Variants in HEBP2 observed in about 807,000 individuals in gnomAD.
HEBP2 encodes the protein heme-binding protein 2.
A neutral mutation model predicts 23.1 loss-of-function variants in HEBP2; 27 were observed. That is an observed-to-expected ratio of 1.17 (90% CI 0.86 to 1.61). The LOEUF is 1.61. HEBP2 is among the 40% of genes most tolerant of loss of function. The probability of loss-of-function intolerance (pLI) is 0.00; values close to 1 mark genes in which losing one functional copy is unlikely to be tolerated. For missense variants in HEBP2, 245 were observed against 253.8 expected, an observed-to-expected ratio of 0.97 and a Z score of 0.24; for synonymous variants, 99 against 95.1, an observed-to-expected ratio of 1.04 and a Z score of -0.24.
chr6:138,405,428 A>G (rs1299249965), intron 2 of HEBP2, 148 bp downstream of exon 2: 1 of 985,040 alleles, frequency 1.0e-6, no homozygotes, highest in African/African-American at 1.7e-5. Flanking sequence ...AAGACTCCTC[A>G]GGACCAGGGT....
rs551668018 is a variant in HEBP2 at position 138,420,517 on chromosome 6, A to G, written c.*7439A>G. 2.6e-5 allele frequency: 4 copies of G among 152,354 alleles called. No individual in the cohort carries two copies. The East Asian group carries it at 5.8e-4, about 22-fold the overall frequency. 9.4% of individuals were successfully genotyped at this position (152,354 alleles called of 1,614,324 possible). A position where few individuals can be genotyped will look rare whatever the true frequency, so the allele number is the denominator to read the frequency against. On this transcript the variant is annotated 3_prime_UTR_variant, in exon 4 of 4. Coordinates refer to ENST00000607197, the MANE Select transcript of HEBP2 (RefSeq NM_014320.3). The stretch of plus-strand genomic sequence containing the variant: ...GGAGTGTGGGTAGCTGGCAGCCACC[A>G]GCTGCTACTTCACCAGGATCCACCT...
At chr6:138,405,405 C>G in intron 2 of HEBP2, 125 bp downstream of exon 2, 7 of 1,247,488 alleles carry the variant, frequency 5.6e-6, no homozygotes, top group Non-Finnish European at 5.6e-6. Flanking sequence ...AAAGACTTGT[C>G]TTGTTTTCAG....
In HEBP2 at chr6:138,420,877, T is replaced by C. The variant is rs1199071148; in HGVS notation, c.*7799T>C. On this transcript the variant is annotated 3_prime_UTR_variant, in exon 4 of 4. Coordinates refer to ENST00000607197, the MANE Select transcript of HEBP2 (RefSeq NM_014320.3). The stretch of plus-strand genomic sequence containing the variant: ...TGAAGAATCTAAACTGGCAGTAGGA[T>C]CATGCCCCTCACTGATAGCTCAACC... 1.3e-5 allele frequency: 2 copies of C among 152,246 alleles called. No homozygotes were observed. Among genetic ancestry groups the C allele is most frequent in the Non-Finnish European group, 2.9e-5 (2 of 68,046 alleles). 9.4% of individuals were successfully genotyped at this position (152,246 alleles called of 1,614,324 possible). A position where few individuals can be genotyped will look rare whatever the true frequency, so the allele number is the denominator to read the frequency against.
rs779676720 is a variant in HEBP2 at position 138,412,934 on chromosome 6, A to T, written c.474A>T (p.Leu158Phe). Residue 158 changes from leucine (L) to phenylalanine (F), a missense_variant, in exon 4 of 4, where the codon TTA becomes TTT. Transcript: ENST00000607197. ...AQKNQEQLLTLASILREDGKV... is the reference protein window; with the variant it reads ...AQKNQEQLLTFASILREDGKV... ...AGAATCAAGAACAACTTTTGACATTAGCAAGCATTTTAAGGGAAGATGGAA... is the reference window on the plus strand; with the variant it reads ...AGAATCAAGAACAACTTTTGACATTTGCAAGCATTTTAAGGGAAGATGGAA... The T allele has an allele frequency of 6.2e-7, 1 of 1,614,206 alleles. No homozygotes were observed. The highest frequency in any genetic ancestry group is 2.2e-5 in the East Asian group (1 of 44,888).
chr6:138,408,819 A>G (rs993635719), intron 3 of HEBP2, among the ~76,000 whole-genome samples: 3 of 152,056 alleles, frequency 2.0e-5, no homozygotes, highest in African/African-American at 7.2e-5. Flanking sequence ...CAATCCATTC[A>G]TATTGCTTCA....
chr6:138,405,586 G>A (rs1246787359), intron 2 of HEBP2, among the ~76,000 whole-genome samples: 1 of 152,148 alleles, frequency 6.6e-6, no homozygotes, highest in Non-Finnish European at 1.5e-5. Flanking sequence ...GAGGCAAGAA[G>A]GTACCAAGAT....
Position 138,413,118 on chromosome 6 carries a change from C to CTGTT in HEBP2, c.*42_*45dup. 1 of 1,497,254 alleles carries CTGTT rather than the reference C, an allele frequency of 6.7e-7. No homozygotes were observed. Among genetic ancestry groups the CTGTT allele is most frequent in the South Asian group, 1.1e-5 (1 of 87,766 alleles). 92.7% of individuals were successfully genotyped at this position (1,497,254 alleles called of 1,614,324 possible). On this transcript the variant is annotated 3_prime_UTR_variant, in exon 4 of 4. Coordinates refer to ENST00000607197, the MANE Select transcript of HEBP2 (RefSeq NM_014320.3). The stretch of plus-strand genomic sequence containing the variant: ...AGTTCTGCTGTCAGAGGCAAAACAT[C>CTGTT]TGTTTATCATAGACATCAACATGAC...
chr6:138,413,803 A>C lies in HEBP2; in HGVS notation c.*725A>C, dbSNP rs1774794488. 1 of 152,188 alleles carries C rather than the reference A, an allele frequency of 6.6e-6. No individual in the cohort carries two copies. The allele number at this position is 152,188 out of a possible 1,614,324, so 9.4% of individuals were successfully genotyped here. A position where few individuals can be genotyped will look rare whatever the true frequency, so the allele number is the denominator to read the frequency against. On this transcript the variant is annotated 3_prime_UTR_variant, in exon 4 of 4. Coordinates refer to ENST00000607197, the MANE Select transcript of HEBP2 (RefSeq NM_014320.3). ...AGGACTGGGAGGTGGTGGTAAGAAA[A>C]CCTGTGTCCCAAGCCCCTCATCACT...
At chr6:138,411,308 G>C (rs1157335247) in intron 3 of HEBP2, among the ~76,000 whole-genome samples, 1 of 152,040 alleles carries the variant, frequency 6.6e-6, no homozygotes, top group Non-Finnish European at 1.5e-5. Context: ...CTTCCCCACA[G>C]CAGCCTCCTG....
rs2128183321 is a variant in HEBP2, at chr6:138,417,716, T to A, written c.*4638T>A. On this transcript the variant is annotated 3_prime_UTR_variant, in exon 4 of 4. Transcript: ENST00000607197. ...GAGGCAGCAGCACACAGACAGAGAGTGCTGTAGATCTGCAGTGGGTCCCCT... is the reference window on the plus strand; with the variant it reads ...GAGGCAGCAGCACACAGACAGAGAGAGCTGTAGATCTGCAGTGGGTCCCCT... 1 of 152,410 alleles carries A rather than the reference T, an allele frequency of 6.6e-6. No homozygotes were observed. Among genetic ancestry groups the A allele is most frequent in the Middle Eastern group, 3.4e-3 (1 of 296 alleles). The allele number at this position is 152,410 out of a possible 1,614,324, so 9.4% of individuals were successfully genotyped here. A position where few individuals can be genotyped will look rare whatever the true frequency, so the allele number is the denominator to read the frequency against.
Position 138,413,374 on chromosome 6 carries a change from C to CTT in HEBP2, c.*305_*306dup. 7 of 240,730 alleles carry CTT rather than the reference C, an allele frequency of 2.9e-5. No individual in the cohort carries two copies. Among genetic ancestry groups the CTT allele is most frequent in the East Asian group, 9.3e-5 (1 of 10,798 alleles). 14.9% of individuals were successfully genotyped at this position (240,730 alleles called of 1,614,324 possible). A position where few individuals can be genotyped will look rare whatever the true frequency, so the allele number is the denominator to read the frequency against. The stretch of plus-strand genomic sequence containing the variant: ...CTTCACTGCATCACAATCATATTCC[C>CTT]TTTTTTTTTTCTTGGATTTGTGTCA... On this transcript the variant is annotated 3_prime_UTR_variant, in exon 4 of 4. Transcript: ENST00000607197.
chr6:138,413,370 T>C lies in HEBP2; in HGVS notation c.*292T>C, dbSNP rs1774786195. ...CCTCCTTCACTGCATCACAATCATA[T>C]TCCCTTTTTTTTTTCTTGGATTTGT... On this transcript the variant is annotated 3_prime_UTR_variant, in exon 4 of 4. Coordinates refer to ENST00000607197, the MANE Select transcript of HEBP2 (RefSeq NM_014320.3). The C allele has an allele frequency of 3.7e-6, 1 of 272,710 alleles. No homozygotes were observed. Among genetic ancestry groups the C allele is most frequent in the Non-Finnish European group, 7.0e-6 (1 of 143,556 alleles). 16.9% of individuals were successfully genotyped at this position (272,710 alleles called of 1,614,324 possible).
At position 138,404,398 on chromosome 6, in the gene HEBP2, A is replaced by G; in HGVS notation, c.-98A>G. The G allele has an allele frequency of 1.3e-6, 1 of 755,636 alleles. No homozygotes were observed. The highest frequency in any genetic ancestry group is 1.8e-6 in the Non-Finnish European group (1 of 564,222). The allele number at this position is 755,636 out of a possible 1,614,324, so 46.8% of individuals were successfully genotyped here. A position where few individuals can be genotyped will look rare whatever the true frequency, so the allele number is the denominator to read the frequency against. ...GAGGGACCGGGTCTGCGGAGCGGGG[A>G]CTCGGGGCCTCGGCGGGGCGCGCAC... On this transcript the variant is annotated 5_prime_UTR_variant, in exon 1 of 4. Transcript: ENST00000607197.
rs1774804539 is a variant in HEBP2 at position 138,414,268 on chromosome 6, A to G, written c.*1190A>G. On this transcript the variant is annotated 3_prime_UTR_variant, in exon 4 of 4. Transcript: ENST00000607197. ...TCTTGTAGGGCACGGTCTCTCGGAT[A>G]AAGAAAACTGCGGACCTTATGCAGG... 6.6e-6 allele frequency: 1 copy of G among 152,238 alleles called. No homozygotes were observed. The highest frequency in any genetic ancestry group is 2.4e-5 in the African/African-American group (1 of 41,440). 9.4% of individuals were successfully genotyped at this position (152,238 alleles called of 1,614,324 possible). A position where few individuals can be genotyped will look rare whatever the true frequency, so the allele number is the denominator to read the frequency against.
At chr6:138,409,547 G>A (rs2114768991) in intron 3 of HEBP2, among the ~76,000 whole-genome samples, 2 of 152,316 alleles carry the variant, frequency 1.3e-5, no homozygotes, top group Middle Eastern at 6.8e-3. Flanking sequence ...CTGGGATGTT[G>A]ATTGATCTTA....
Position 138,405,242 on chromosome 6 carries a change from C to A in HEBP2, c.200C>A (p.Thr67Lys). ...DWDSAIQTGF[T>K]KLNSYIQGKN... ...GATTCAGCCATCCAGACGGGCTTTA[C>A]GAAACTGAACAGCTACATTCAAGGC... is the stretch of plus-strand genomic sequence containing the variant. The change falls in exon 2 of 4, where the codon ACG (threonine) becomes AAG (lysine). Residue 67 changes from threonine to lysine, a missense_variant. Physicochemically the swap from Thr to Lys is moderately conservative, Grantham distance 78. Coordinates refer to ENST00000607197, the MANE Select transcript of HEBP2 (RefSeq NM_014320.3). The A allele has an allele frequency of 1.2e-6, 2 of 1,614,156 alleles. No homozygotes were observed. The highest frequency in any genetic ancestry group is 1.7e-6 in the Non-Finnish European group (2 of 1,180,024).
rs1311661033 is a variant in HEBP2, at chr6:138,415,878, A to ACTACCCTCCCTTCCTGCCTCTTC, written c.*2802_*2824dup. ...CCACCCTTCCCCATGAAGAGCTGGA[A>ACTACCCTCCCTTCCTGCCTCTTC]CTACCCTCCCTTCCTGCCTCTTCCC... On this transcript the variant is annotated 3_prime_UTR_variant, in exon 4 of 4. Coordinates refer to ENST00000607197, the MANE Select transcript of HEBP2 (RefSeq NM_014320.3). 1 of 152,176 alleles carries ACTACCCTCCCTTCCTGCCTCTTC rather than the reference A, an allele frequency of 6.6e-6. No individual in the cohort carries two copies. Among genetic ancestry groups the ACTACCCTCCCTTCCTGCCTCTTC allele is most frequent in the African/African-American group, 2.4e-5 (1 of 41,440 alleles). The allele number at this position is 152,176 out of a possible 1,614,324, so 9.4% of individuals were successfully genotyped here. A position where few individuals can be genotyped will look rare whatever the true frequency, so the allele number is the denominator to read the frequency against.
intron 3 of HEBP2, 117 bp downstream of exon 3, chr6:138,406,268 A>T (rs3734304): frequency 0.023 from 20,340 of 892,576 alleles, 499 homozygotes; most frequent in East Asian, 0.1. Flanking sequence ...ATCAGGTCTA[A>T]TGCATTTTGT....
In HEBP2 at chr6:138,405,159, G is replaced by A; in HGVS notation, c.117G>A (p.Glu39=). ...EDAGPQPGSY[E]IRHYGPAKWV... is the part of the protein sequence containing the mutation. ...TTCCACTTTAGCCCGGAAGTTATGA[G>A]ATCCGACACTATGGACCAGCCAAGT... Residue 39 remains glutamate, a synonymous_variant, in exon 2 of 4, where the codon GAG becomes GAA. Transcript: ENST00000607197. The A allele has an allele frequency of 5.0e-6, 8 of 1,612,746 alleles. No individual in the cohort carries two copies. Among genetic ancestry groups the A allele is most frequent in the Non-Finnish European group, 6.8e-6 (8 of 1,179,648 alleles).
Sources: gnomAD v4.1 joint callset for allele counts (sites outside exome capture counted in the v4.1 genomes callset) on GRCh38, gnomAD v4.1.1 for gene constraint, MANE v1.5 for transcripts, NCBI Gene and HGNC (gene_info 2026-07-23, HGNC 2026-07-21) for gene names.